The following DOT1L variants were observed in gnomAD, a reference collection of about 807,000 sequenced individuals.
The protein encoded by DOT1L is histone-lysine N-methyltransferase, H3 lysine-79 specific.
A neutral mutation model predicts 153.3 loss-of-function variants in DOT1L; 33 were observed. The ratio of observed to expected loss-of-function variants is 0.22; its 90% CI spans 0.16 to 0.29. DOT1L has a LOEUF of 0.29. Ranked by LOEUF, DOT1L falls within the 10% of genes least tolerant of loss-of-function variation. The pLI, the probability that DOT1L is intolerant of heterozygous loss-of-function variation, is 1.00. For synonymous variants in DOT1L, 1,135 were observed against 965.1 expected, an observed-to-expected ratio of 1.18 and a Z score of -3.26; for missense variants, 1,847 against 2,119.9, an observed-to-expected ratio of 0.87 and a Z score of 2.53.
chr19:2,221,185 AAAC>A (rs1471403193), intron 23 of DOT1L: 2 of 153,058 alleles, frequency 1.3e-5, no homozygotes, highest in African/African-American at 4.8e-5. Context: ...CTCAAAAACA[AAAC>A]AACAACAAAA....
At chr19:2,227,166 C>T (rs753747869) in intron 27 of DOT1L, 39 bp downstream of exon 27, 2 of 1,576,012 alleles carry the variant, frequency 1.3e-6, no homozygotes, top group Non-Finnish European at 1.7e-6. Context: ...CCGCCCCGGC[C>T]CCCGCCGGAG....
In DOT1L at chr19:2,193,649, T is replaced by G; in HGVS notation, c.494-40T>G. The G allele has an allele frequency of 1.2e-6, 2 of 1,600,280 alleles. No individual in the cohort carries two copies. Among genetic ancestry groups the G allele is most frequent in the Non-Finnish European group, 1.7e-6 (2 of 1,168,596 alleles). On this transcript the variant is annotated intron_variant, in intron 5 of 27. Coordinates refer to ENST00000398665, the MANE Select transcript of DOT1L (RefSeq NM_032482.3). This position sits in a 1 kb window ranked among gnomAD's most constrained non-coding sequence, Gnocchi z 5.9. ...CTAGCACGGCCTCCCGGGTGGCATCTGAGCGCTGTGTGGTATCTGATGGAT... is the reference window on the plus strand; with the variant it reads ...CTAGCACGGCCTCCCGGGTGGCATCGGAGCGCTGTGTGGTATCTGATGGAT...
chr19:2,165,587 G>A (rs1297357432), intron 1 of DOT1L, among the ~76,000 whole-genome samples: 1 of 152,230 alleles, frequency 6.6e-6, no homozygotes, highest in African/African-American at 2.4e-5. Flanking sequence ...TCAGCGCCCC[G>A]ACCGGTTTCC....
At chr19:2,174,781 G>A (rs1430851789) in intron 1 of DOT1L, among the ~76,000 whole-genome samples, 1 of 147,582 alleles carries the variant, frequency 6.8e-6, no homozygotes, top group Non-Finnish European at 1.5e-5. Flanking sequence ...GTCATGCCCA[G>A]CTAGTTAAAA....
intron 1 of DOT1L, among the ~76,000 whole-genome samples, chr19:2,171,287 A>C (rs562005523): frequency 6.6e-6 from 1 of 152,310 alleles, no homozygotes; most frequent in Admixed American, 6.5e-5. Context: ...ATGCTGTGGC[A>C]CTGGCAGAGC....
intron 7 of DOT1L, among the ~76,000 whole-genome samples, chr19:2,198,667 C>T (rs1046307093): frequency 6.6e-5 from 10 of 152,204 alleles, no homozygotes; most frequent in Admixed American, 3.3e-4. Context: ...GGTCCTCCCT[C>T]GGCTCTTGGG....
chr19:2,166,066 G>T (rs530072387), intron 1 of DOT1L, among the ~76,000 whole-genome samples: 2 of 151,496 alleles, frequency 1.3e-5, no homozygotes, highest in Admixed American at 1.3e-4. Flanking sequence ...CACCGCGCCC[G>T]GCCCACATTT....
chr19:2,208,040 C>A lies in DOT1L; in HGVS notation c.963+360C>A, dbSNP rs189033789. Among the ~76,000 whole-genome samples the A allele has an allele frequency of 1.6e-4, 25 of 152,286 alleles. No homozygotes were observed. Among genetic ancestry groups the A allele is most frequent in the African/African-American group, 6.0e-4 (25 of 41,556 alleles). ...GATAGGAGTCCCACGTCCCTGTTCCCAGCTTCCTCCATGTGAGAGGGTCCT... is the reference window on the plus strand; with the variant it reads ...GATAGGAGTCCCACGTCCCTGTTCCAAGCTTCCTCCATGTGAGAGGGTCCT... On this transcript the variant is annotated intron_variant, in intron 11 of 27. Transcript: ENST00000398665. This position sits in a 1 kb window ranked among gnomAD's most constrained non-coding sequence, Gnocchi z 4.4.
intron 3 of DOT1L, among the ~76,000 whole-genome samples, chr19:2,187,774 T>G (rs1198968101): frequency 1.3e-5 from 2 of 151,898 alleles, no homozygotes; most frequent in Non-Finnish European, 2.9e-5. Flanking sequence ...TACAAAAAAT[T>G]AGCCGGGCGT....
At chr19:2,200,667 C>G (rs777421949) in intron 8 of DOT1L, among the ~76,000 whole-genome samples, 19 of 152,084 alleles carry the variant, frequency 1.2e-4, no homozygotes, top group Non-Finnish European at 2.2e-4. Context: ...CCCTCATCCT[C>G]CCAGCACTCT....
chr19:2,217,040 C>G lies in DOT1L; in HGVS notation c.2494C>G (p.Pro832Ala), dbSNP rs986823780. The change falls in exon 21 of 28, where the codon CCC becomes GCC. Residue 832 changes from proline (P) to alanine (A), a missense_variant. This residue lies in a region of DOT1L where 281 missense variants were observed against 263.6 expected (regional missense o/e 1.07). Transcript: ENST00000398665. The surrounding 1 kb of genome is among the most constrained non-coding windows in gnomAD (Gnocchi z 7.3). ...SMKLSPQDPR[P>A]LSPGALQLAG... ...GAAGCTGAGCCCTCAGGACCCGCGG[C>G]CCCTGTCCCCTGGGGCCTTGCAGCT... 6.2e-7 allele frequency: 1 copy of G among 1,612,218 alleles called. No homozygotes were observed. Among genetic ancestry groups the G allele is most frequent in the Non-Finnish European group, 8.5e-7 (1 of 1,179,500 alleles).
Position 2,228,116 on chromosome 19 carries a change from T to A in DOT1L, c.4606+989T>A. ...AAGCTTTCTTGCCCCCCACCTCTGC[T>A]GCCTCTCTGCCGCCTGCTAACGCCT... is the stretch of plus-strand genomic sequence containing the variant. On this transcript the variant is annotated intron_variant, in intron 27 of 27. Coordinates refer to ENST00000398665, the MANE Select transcript of DOT1L (RefSeq NM_032482.3). 3.7e-6 allele frequency: 5 copies of A among 1,361,110 alleles called. No homozygotes were observed. In the South Asian group the frequency reaches 5.7e-5, roughly 16 times the overall value. 84.3% of individuals were successfully genotyped at this position (1,361,110 alleles called of 1,614,324 possible).
At chr19:2,187,973 C>G (rs1361211875) in intron 3 of DOT1L, among the ~76,000 whole-genome samples, 1 of 151,212 alleles carries the variant, frequency 6.6e-6, no homozygotes, top group Non-Finnish European at 1.5e-5. Flanking sequence ...CAGGGCTGCT[C>G]CTCTGGAGCT....
At position 2,220,460 on chromosome 19, in the gene DOT1L, C is replaced by A. The variant is rs1466997772; in HGVS notation, c.2806+238C>A. On this transcript the variant is annotated intron_variant, in intron 23 of 27. Transcript: ENST00000398665. This position sits in a 1 kb window ranked among gnomAD's most constrained non-coding sequence, Gnocchi z 4.5. ...CCTGGGTCTCCCGACACTGACACCTCCTGCTTGGGTGTATTAATTCAGCCC... is the reference window on the plus strand; with the variant it reads ...CCTGGGTCTCCCGACACTGACACCTACTGCTTGGGTGTATTAATTCAGCCC... 4.7e-6 allele frequency: 3 copies of A among 636,280 alleles called. No individual in the cohort carries two copies. The highest frequency in any genetic ancestry group is 8.8e-6 in the Non-Finnish European group (3 of 342,456). 39.4% of individuals were successfully genotyped at this position (636,280 alleles called of 1,614,324 possible).
At chr19:2,223,157 C>T in intron 24 of DOT1L, 124 bp from the exon 25 acceptor site, 1 of 1,025,316 alleles carries the variant, frequency 9.8e-7, no homozygotes, top group Non-Finnish European at 1.5e-6. Flanking sequence ...GGCCGCTGGG[C>T]AGGGCATCAG....
Position 2,208,839 on chromosome 19 carries a change from C to A in DOT1L, c.964-96C>A. On this transcript the variant is annotated intron_variant, in intron 11 of 27. Coordinates refer to ENST00000398665, the MANE Select transcript of DOT1L (RefSeq NM_032482.3). This position sits in a 1 kb window ranked among gnomAD's most constrained non-coding sequence, Gnocchi z 4.4. ...CCAGATACCAGAACAGCCTCCCCAG[C>A]CACTGTCCAGGTTGCTGTTGTTACC... 7.7e-7 allele frequency: 1 copy of A among 1,292,032 alleles called. No homozygotes were observed. Among genetic ancestry groups the A allele is most frequent in the Non-Finnish European group, 1.1e-6 (1 of 917,590 alleles). The allele number at this position is 1,292,032 out of a possible 1,614,324, so 80.0% of individuals were successfully genotyped here. A position where few individuals can be genotyped will look rare whatever the true frequency, so the allele number is the denominator to read the frequency against.
chr19:2,211,599 T>C (rs2023717810), intron 15 of DOT1L, 152 bp from the exon 16 acceptor site: 2 of 676,068 alleles, frequency 3.0e-6, no homozygotes, highest in Non-Finnish European at 5.0e-6. Flanking sequence ...TTGGGGCGTG[T>C]GGCATGGGCC....
rs200561588 is a variant in DOT1L, at chr19:2,226,729, C to G, written c.4208C>G (p.Thr1403Ser). 80 of 1,559,834 alleles carry G rather than the reference C, an allele frequency of 5.1e-5. No individual in the cohort carries two copies. The East Asian group carries it at 5.7e-4, about 11-fold the overall frequency. ...GLPLCGPTDK[T>S]PLLSGKAAKA... ...CCGCTGTGCGGGCCCACGGACAAGA[C>G]CCCACTGCTGAGCGGCAAGGCCGCC... The change falls in exon 27 of 28, where the codon ACC becomes AGC. Residue 1403 changes from threonine (T) to serine (S), a missense_variant. Transcript: ENST00000398665.
chr19:2,168,941 C>A (rs1349228580), intron 1 of DOT1L, among the ~76,000 whole-genome samples: 1 of 152,126 alleles, frequency 6.6e-6, no homozygotes, highest in Admixed American at 6.6e-5. Flanking sequence ...GGCAGGATGG[C>A]CCTGCCCTTC....
Sources: gnomAD v4.1 joint callset for allele counts (sites outside exome capture counted in the v4.1 genomes callset) on GRCh38, gnomAD v4.1.1 for gene constraint, gnomAD v4.1.1 regional missense constraint, Gnocchi (gnomAD v3.1) non-coding constraint, MANE v1.5 for transcripts, NCBI Gene and HGNC (gene_info 2026-07-23, HGNC 2026-07-21) for gene names.